The following TRPM3 variants were observed in gnomAD, a reference collection of about 807,000 sequenced individuals.
TRPM3 encodes long transient receptor potential channel 3.
In TRPM3, 77 loss-of-function variants were observed where a neutral mutation model predicts 181.2. That is an observed-to-expected ratio of 0.42 (90% CI 0.35 to 0.51). The LOEUF (loss-of-function observed/expected upper bound fraction) is 0.51, where lower values mean the gene tolerates loss of function less well. Among genes scored for constraint, TRPM3 ranks in the 20% least tolerant of loss-of-function variants. The pLI, the probability that TRPM3 is intolerant of heterozygous loss-of-function variation, is 0.01. For missense variants in TRPM3, 1,759 were observed against 2,196.7 expected (o/e 0.80, Z 3.98); for synonymous variants, 745 against 796.4 (o/e 0.94, Z 1.09).
At chr9:71,070,935 C>T (rs556932000) in intron 1 of TRPM3, among the ~76,000 whole-genome samples, 2 of 152,172 alleles carry the variant, frequency 1.3e-5, no homozygotes, top group African/African-American at 4.8e-5. Context: ...CTTATCAGCT[C>T]TAAGGTTGTT....
chr9:70,943,216 C>A (rs142699380), intron 1 of TRPM3, among the ~76,000 whole-genome samples: 26 of 152,274 alleles, frequency 1.7e-4, no homozygotes, highest in African/African-American at 6.0e-4. Flanking sequence ...GAAGTATAAT[C>A]TCTTGCTACA....
intron 1 of TRPM3, among the ~76,000 whole-genome samples, chr9:71,226,807 C>T (rs1270302041): frequency 6.6e-6 from 1 of 152,106 alleles, no homozygotes; most frequent in African/African-American, 2.4e-5. Context: ...CAACATCCTA[C>T]TTTCAGCGCT....
In TRPM3 at chr9:71,308,149, T is replaced by C. The variant is rs191076237; in HGVS notation, c.183+138504A>G. 4.5e-3 allele frequency among the ~76,000 whole-genome samples: 687 copies of C among 152,230 alleles called. 10 individuals carry two copies. Among genetic ancestry groups the C allele is most frequent in the African/African-American group, 0.016 (656 of 41,546 alleles). On this transcript the variant is annotated intron_variant, in intron 1 of 24. Coordinates refer to the TRPM3 transcript ENST00000357533. The stretch of plus-strand genomic sequence containing the variant: ...CCACACCTGGCTAATTTTGTATTTT[T>C]GGTGGTGAGCCACCACACCTGGCAA...
intron 1 of TRPM3, among the ~76,000 whole-genome samples, chr9:71,324,057 A>G (rs976850074): frequency 6.6e-6 from 1 of 152,148 alleles, no homozygotes; most frequent in East Asian, 1.9e-4. Flanking sequence ...TGTCATGCAC[A>G]AAATTGTGAA....
intron 1 of TRPM3, among the ~76,000 whole-genome samples, chr9:70,977,225 C>T (rs761545694): frequency 1.3e-5 from 2 of 152,192 alleles, no homozygotes; most frequent in South Asian, 4.1e-4. Flanking sequence ...ACCTCCGCCT[C>T]GCGGGTTCAA....
rs67349189 is a variant in TRPM3 at position 71,215,033 on chromosome 9, C to CAAAAAAA, written c.183+231613_183+231619dup. Among the ~76,000 whole-genome samples the CAAAAAAA allele has an allele frequency of 1.2e-3, 124 of 105,748 alleles. 2 individuals are homozygous for CAAAAAAA. The highest frequency in any genetic ancestry group is 1.6e-3 in the East Asian group (6 of 3,776). 69.4% of individuals were successfully genotyped at this position (105,748 alleles called of 152,430 possible). On this transcript the variant is annotated intron_variant, in intron 1 of 24. Coordinates refer to the TRPM3 transcript ENST00000357533. Reference sequence around the variant, plus strand: ...CTGTTCACTCTGCCTCACCAAAAAACAAAAAAAAAAAAACAAAAAAAAAAA... The same window carrying CAAAAAAA: ...CTGTTCACTCTGCCTCACCAAAAAACAAAAAAAAAAAAAAAAAAAACAAAAAAAAAAA...
At chr9:71,338,600 A>G (rs931153054) in intron 1 of TRPM3, among the ~76,000 whole-genome samples, 19 of 152,276 alleles carry the variant, frequency 1.2e-4, no homozygotes, top group African/African-American at 4.3e-4. Flanking sequence ...CAGAAGAGAT[A>G]TGGAAAATGT....
At chr9:71,092,449 ACTT>A (rs1225436453) in intron 1 of TRPM3, among the ~76,000 whole-genome samples, 4 of 152,208 alleles carry the variant, frequency 2.6e-5, no homozygotes, top group African/African-American at 7.2e-5. Flanking sequence ...AGTAACACTA[ACTT>A]CTTCAATTTA....
chr9:71,059,187 C>T (rs2061018750), intron 1 of TRPM3, among the ~76,000 whole-genome samples: 1 of 151,712 alleles, frequency 6.6e-6, no homozygotes, highest in Non-Finnish European at 1.5e-5. Flanking sequence ...TCCCTCCAGG[C>T]TTCTTGAAAG....
chr9:70,641,935 T>C (rs956909974), intron 9 of TRPM3, among the ~76,000 whole-genome samples: 1 of 152,168 alleles, frequency 6.6e-6, no homozygotes, highest in African/African-American at 2.4e-5. Context: ...GCAATAAATA[T>C]CCAGTTTACA....
At chr9:71,407,979 G>A (rs2093469542) in intron 1 of TRPM3, among the ~76,000 whole-genome samples, 1 of 152,214 alleles carries the variant, frequency 6.6e-6, no homozygotes, top group Non-Finnish European at 1.5e-5. Flanking sequence ...TGGACCTCCA[G>A]CAAATTCCAA....
intron 1 of TRPM3, among the ~76,000 whole-genome samples, chr9:71,280,518 AAAAAGAAAAG>A (rs532521619): frequency 3.9e-5 from 6 of 152,236 alleles, no homozygotes; most frequent in South Asian, 2.1e-4. Flanking sequence ...TCTCAGAAAA[AAAAAGAAAAG>A]AAAAGAAAAG....
intron 1 of TRPM3, among the ~76,000 whole-genome samples, chr9:71,254,521 T>C (rs1396724363): frequency 6.6e-6 from 1 of 152,238 alleles, no homozygotes; most frequent in East Asian, 1.9e-4. Flanking sequence ...ATGTGAGTAA[T>C]GCATATGTTA....
At chr9:71,258,210 A>G (rs1486992482) in intron 1 of TRPM3, among the ~76,000 whole-genome samples, 1 of 152,202 alleles carries the variant, frequency 6.6e-6, no homozygotes, top group East Asian at 1.9e-4. Flanking sequence ...AGTCTTACCA[A>G]TAACATTATA....
At position 70,966,659 on chromosome 9, in the gene TRPM3, C is replaced by T. The variant is rs145283284; in HGVS notation, c.178-102148G>A. ...CAAAGGAATAGAAAACCAAACACCG[C>T]GTGTTCTCACTTATAAGTGGGAGCT... On this transcript the variant is annotated intron_variant, in intron 1 of 25. Transcript: ENST00000677713. Among the ~76,000 whole-genome samples the T allele has an allele frequency of 8.5e-5, 13 of 152,162 alleles. No individual in the cohort carries two copies. The South Asian group carries it at 1.0e-3, about 12-fold the overall frequency.
chr9:71,303,289 C>T (rs1280424365), intron 1 of TRPM3, among the ~76,000 whole-genome samples: 1 of 152,200 alleles, frequency 6.6e-6, no homozygotes, highest in Non-Finnish European at 1.5e-5. Flanking sequence ...TTATTTTCCT[C>T]CACCATCAAC....
chr9:70,862,760 G>A, intron 3 of TRPM3, 148 bp downstream of exon 3: 1 of 725,354 alleles, frequency 1.4e-6, no homozygotes, highest in South Asian at 1.9e-5. Flanking sequence ...GACACACAGG[G>A]GCAGGGGACT....
intron 1 of TRPM3, among the ~76,000 whole-genome samples, chr9:70,970,133 C>T (rs1319586810): frequency 6.6e-6 from 1 of 152,040 alleles, no homozygotes; most frequent in Non-Finnish European, 1.5e-5. Context: ...CTCTCCAAAC[C>T]TCAATTTTTT....
chr9:71,138,107 C>T (rs2074878156), intron 1 of TRPM3, among the ~76,000 whole-genome samples: 1 of 151,522 alleles, frequency 6.6e-6, no homozygotes, highest in Non-Finnish European at 1.5e-5. Context: ...GAGCAAGACT[C>T]TGTCTCAAAA....
Sources: allele counts gnomAD v4.1 joint callset (sites outside exome capture counted in the v4.1 genomes callset), GRCh38; gene constraint gnomAD v4.1.1; transcripts MANE v1.5; gene names NCBI Gene and HGNC (gene_info 2026-07-23, HGNC 2026-07-21).